Variants in GLIS1 observed in about 807,000 individuals in gnomAD.
GLIS1 encodes GLIS family zinc finger 1, also known as zinc finger protein GLIS1.
Under a neutral mutation model 63.8 loss-of-function variants are expected in GLIS1, and 24 were observed. The ratio of observed to expected loss-of-function variants is 0.38; its 90% CI spans 0.27 to 0.53. The LOEUF (loss-of-function observed/expected upper bound fraction) is 0.53, where lower values mean the gene tolerates loss of function less well. Ranked by LOEUF, GLIS1 falls within the 20% of genes least tolerant of loss-of-function variation. The pLI, the probability that GLIS1 is intolerant of heterozygous loss-of-function variation, is 0.85. For synonymous variants in GLIS1, 450 were observed against 482.5 expected (o/e 0.93, Z 0.88); for missense variants, 1,036 against 1,074.1 (o/e 0.96, Z 0.50).
chr1:53,622,471 T>G (rs987804076), intron 2 of GLIS1, among the ~76,000 whole-genome samples: 1 of 146,948 alleles, frequency 6.8e-6, no homozygotes, highest in African/African-American at 2.5e-5. Flanking sequence ...AAGAAGAAGA[T>G]ATTCCATGTC....
At chr1:53,613,003 G>T (rs1484990133) in intron 2 of GLIS1, among the ~76,000 whole-genome samples, 2 of 152,008 alleles carry the variant, frequency 1.3e-5, no homozygotes, top group African/African-American at 4.8e-5. Flanking sequence ...ATTTTTAGTA[G>T]ACATGGGGTT....
In GLIS1 at chr1:53,506,699, G is replaced by A. The variant is rs562032170; in HGVS notation, c.2308C>T (p.Pro770Ser). Residue 770 changes from proline (P) to serine (S), a missense_variant, in exon 11 of 11, where the codon CCC (proline) becomes TCC (serine). Pro to Ser is a moderately conservative substitution (Grantham distance 74). Transcript: ENST00000628545. ...TTGGGGAAGAAGCCACAGTCCTCGG[G>A]GCCGCTGGACACCACATCTTCAGAT... ...QPSEDVVSSG[P>S]EDCGFFPNGA... The A allele has an allele frequency of 1.2e-6, 2 of 1,613,486 alleles. No individual in the cohort carries two copies. The highest frequency in any genetic ancestry group is 2.2e-5 in the South Asian group (2 of 91,086).
chr1:53,524,225 C>A lies in GLIS1; in HGVS notation c.1593+552G>T, dbSNP rs114264369. ...AGCCAGCGGAAGCAAGCCCCGCGGG[C>A]CCACTCCGCGCTCACACCCCTAAAC... On this transcript the variant is annotated intron_variant, in intron 6 of 10. Coordinates refer to ENST00000628545, the MANE Select transcript of GLIS1 (RefSeq NM_001367484.1). 1.8e-3 allele frequency among the ~76,000 whole-genome samples: 277 copies of A among 152,350 alleles called. 1 individual carries two copies. The highest frequency in any genetic ancestry group is 6.4e-3 in the African/African-American group (265 of 41,588).
intron 4 of GLIS1, among the ~76,000 whole-genome samples, chr1:53,593,707 A>G (rs1208830400): frequency 1.3e-5 from 2 of 152,224 alleles, no homozygotes; most frequent in Non-Finnish European, 2.9e-5. Context: ...GTGAGGGCCC[A>G]GCGCTGGAGG....
chr1:53,551,931 A>C (rs1480971393), intron 4 of GLIS1, among the ~76,000 whole-genome samples: 2 of 152,072 alleles, frequency 1.3e-5, no homozygotes, highest in African/African-American at 4.8e-5. Context: ...TAACTGCAGA[A>C]GCACTCCATA....
At chr1:53,621,989 T>C (rs1052479723) in intron 2 of GLIS1, among the ~76,000 whole-genome samples, 3 of 150,660 alleles carry the variant, frequency 2.0e-5, no homozygotes, top group African/African-American at 7.3e-5. Context: ...AGAGATGGGG[T>C]TTCACCAGGT....
intron 2 of GLIS1, among the ~76,000 whole-genome samples, chr1:53,673,579 C>T (rs1174334532): frequency 2.6e-5 from 4 of 152,252 alleles, no homozygotes; most frequent in East Asian, 1.9e-4. Context: ...GCATCTCCCA[C>T]TACACTGGAT....
intron 2 of GLIS1, among the ~76,000 whole-genome samples, chr1:53,720,490 C>T (rs993106845): frequency 6.6e-6 from 1 of 151,698 alleles, no homozygotes; most frequent in African/African-American, 2.4e-5. Flanking sequence ...TTACTAGAGG[C>T]TAGAAAGGGT....
At chr1:53,585,438 G>A (rs1263547959) in intron 4 of GLIS1, among the ~76,000 whole-genome samples, 1 of 151,310 alleles carries the variant, frequency 6.6e-6, no homozygotes, top group African/African-American at 2.4e-5. Flanking sequence ...TGGTTGTCCT[G>A]TGTGTTTAGC....
At chr1:53,677,170 G>A (rs1322069972) in intron 2 of GLIS1, among the ~76,000 whole-genome samples, 9 of 152,254 alleles carry the variant, frequency 5.9e-5, no homozygotes, top group African/African-American at 2.2e-4. Flanking sequence ...TTCCCGAGGA[G>A]CTAGTGTTTC....
chr1:53,737,279 C>A (rs916846428), intron 2 of GLIS1, among the ~76,000 whole-genome samples: 9 of 152,168 alleles, frequency 5.9e-5, no homozygotes, highest in African/African-American at 2.2e-4. Flanking sequence ...TAAGTTAGGA[C>A]GTGACTAGGC....
intron 2 of GLIS1, among the ~76,000 whole-genome samples, chr1:53,642,326 A>C (rs1205638482): frequency 6.6e-6 from 1 of 152,152 alleles, no homozygotes; most frequent in Non-Finnish European, 1.5e-5. Context: ...CACTGGAGAG[A>C]TTGTTCTGGA....
chr1:53,677,687 C>T (rs1026038677), intron 2 of GLIS1, among the ~76,000 whole-genome samples: 8 of 152,392 alleles, frequency 5.2e-5, no homozygotes, highest in South Asian at 2.1e-4. Flanking sequence ...GACCCAGCCG[C>T]GGGCACCCGC....
chr1:53,552,574 G>T (rs1271966942), intron 4 of GLIS1, among the ~76,000 whole-genome samples: 2 of 152,206 alleles, frequency 1.3e-5, no homozygotes, highest in East Asian at 3.8e-4. Flanking sequence ...TGATTTACAT[G>T]ACCACAACCA....
chr1:53,528,540 C>T (rs1394231501), intron 5 of GLIS1, among the ~76,000 whole-genome samples: 1 of 152,160 alleles, frequency 6.6e-6, no homozygotes, highest in African/African-American at 2.4e-5. Context: ...GCCAGATATA[C>T]AGAGTGTCCC....
At position 53,673,383 on chromosome 1, in the gene GLIS1, A is replaced by G. The variant is rs143737369; in HGVS notation, c.259+64423T>C. Among the ~76,000 whole-genome samples the G allele has an allele frequency of 6.9e-3, 1,047 of 152,344 alleles. 13 individuals carry two copies. Among genetic ancestry groups the G allele is most frequent in the Non-Finnish European group, 0.011 (765 of 68,024 alleles). ...CCATGCCTCCAGTTACACTGTGCTG[A>G]GGGAATGAACCAAAAGGGCTTTACA... On this transcript the variant is annotated intron_variant, in intron 2 of 10. Coordinates refer to ENST00000628545, the MANE Select transcript of GLIS1 (RefSeq NM_001367484.1).
intron 2 of GLIS1, among the ~76,000 whole-genome samples, chr1:53,680,511 A>C (rs921112356): frequency 6.6e-6 from 1 of 152,226 alleles, no homozygotes; most frequent in South Asian, 2.1e-4. Context: ...TCCTCTTGCA[A>C]AAGATGAATA....
intron 2 of GLIS1, among the ~76,000 whole-genome samples, chr1:53,687,693 C>T (rs576372836): frequency 8.5e-5 from 13 of 152,328 alleles, no homozygotes; most frequent in Non-Finnish European, 1.8e-4. Flanking sequence ...AGGGTCTTCC[C>T]ATAGCATCTA....
intron 4 of GLIS1, among the ~76,000 whole-genome samples, chr1:53,552,393 C>T (rs560925386): frequency 6.6e-6 from 1 of 152,310 alleles, no homozygotes; most frequent in East Asian, 1.9e-4. Context: ...TCCCGCCAGG[C>T]CTTCCTTCTC....
Sources: gnomAD v4.1 joint callset for allele counts (sites outside exome capture counted in the v4.1 genomes callset) on GRCh38, gnomAD v4.1.1 for gene constraint, MANE v1.5 for transcripts, NCBI Gene and HGNC (gene_info 2026-07-23, HGNC 2026-07-21) for gene names.